CWH43: variants seen among roughly 807,000 people sequenced by gnomAD.
The protein encoded by CWH43 is cell wall biogenesis 43 C-terminal homolog.
A neutral mutation model predicts 85.7 loss-of-function variants in CWH43; 91 were observed. The ratio of observed to expected loss-of-function variants is 1.06; its 90% CI spans 0.90 to 1.26. The LOEUF is 1.26. Among genes scored for constraint, CWH43 ranks in the 50% most tolerant of loss-of-function variants. The pLI is 0.00. For missense variants in CWH43, 869 were observed against 839.2 expected (o/e 1.04, Z -0.44); for synonymous variants, 323 against 293.6 (o/e 1.10, Z -1.02).
chr4:49,031,200 C>T (rs1263919378), intron 11 of CWH43: 1 of 394,752 alleles, frequency 2.5e-6, no homozygotes, highest in Non-Finnish European at 4.5e-6. Flanking sequence ...GAGGTTGCAG[C>T]ACCAAGCATG....
chr4:49,041,371 C>T (rs1784456848), intron 13 of CWH43, among the ~76,000 whole-genome samples: 1 of 152,160 alleles, frequency 6.6e-6, no homozygotes, highest in Non-Finnish European at 1.5e-5. Context: ...TCTTCCTACC[C>T]ATGAGCATGG....
Position 48,992,900 on chromosome 4 carries a change from G to A in CWH43, c.511+810G>A, listed in dbSNP as rs780559523. Among the ~76,000 whole-genome samples, 8 of 152,212 alleles carry A rather than the reference G, an allele frequency of 5.3e-5. No homozygotes were observed. The highest frequency in any genetic ancestry group is 1.2e-4 in the Non-Finnish European group (8 of 68,030). On this transcript the variant is annotated intron_variant, in intron 4 of 15. Transcript: ENST00000226432. The surrounding 1 kb of genome is among the most constrained non-coding windows in gnomAD (Gnocchi z 4.3). ...TGAAATGAGAATAGAGGGAAATTAT[G>A]TCAGTAAATTGGCCTTGTGATGTTA...
intron 2 of CWH43, among the ~76,000 whole-genome samples, chr4:48,988,869 C>G (rs1211069159): frequency 6.6e-6 from 1 of 152,066 alleles, no homozygotes; most frequent in African/African-American, 2.4e-5. Context: ...ATTGTTTTTT[C>G]CAGACTAGAA....
chr4:49,035,306 G>T (rs1377606447), intron 12 of CWH43, among the ~76,000 whole-genome samples: 1 of 152,174 alleles, frequency 6.6e-6, no homozygotes, highest in Non-Finnish European at 1.5e-5. Context: ...ATTTTAAAAA[G>T]TACTGACTGC....
intron 14 of CWH43, among the ~76,000 whole-genome samples, chr4:49,047,699 G>A (rs141941586): frequency 1.8e-4 from 27 of 152,142 alleles, no homozygotes; most frequent in Admixed American, 5.9e-4. Context: ...GGTGAGGGGC[G>A]GCCGAGGAGG....
intron 14 of CWH43, among the ~76,000 whole-genome samples, chr4:49,048,574 T>C (rs1359589767): frequency 6.6e-6 from 1 of 152,070 alleles, no homozygotes; most frequent in Non-Finnish European, 1.5e-5. Context: ...TGGTTAGGAC[T>C]GTCCCCTTGG....
rs1407675992 is a variant in CWH43, at chr4:49,032,723, T to G, written c.1658+8T>G. 6.2e-7 allele frequency: 1 copy of G among 1,613,768 alleles called. No individual in the cohort carries two copies. Among genetic ancestry groups the G allele is most frequent in the Non-Finnish European group, 8.5e-7 (1 of 1,179,788 alleles). On this transcript the variant is annotated splice_region_variant and intron_variant, in intron 12 of 15. Transcript: ENST00000226432. ...ACACTTTGGGAACCACGAGTGGGTT[T>G]CTTTGGCCCACCTAATATTACACAA...
chr4:49,003,411 G>T (rs190788535), intron 6 of CWH43, among the ~76,000 whole-genome samples: 1 of 152,042 alleles, frequency 6.6e-6, no homozygotes, highest in Admixed American at 6.6e-5. Flanking sequence ...CATATTTTTG[G>T]TATTGCAGAA....
chr4:49,025,679 C>T (rs968230384), intron 9 of CWH43, among the ~76,000 whole-genome samples: 2 of 152,162 alleles, frequency 1.3e-5, no homozygotes, highest in African/African-American at 4.8e-5. Context: ...TTGGGAGTAT[C>T]TGCAAAAAAT....
chr4:49,016,466 C>T (rs142417519), intron 8 of CWH43, among the ~76,000 whole-genome samples: 151 of 152,236 alleles, frequency 9.9e-4, no homozygotes, highest in Non-Finnish European at 1.9e-3. Context: ...GAGCAAATTC[C>T]ACCCTTTCCA....
intron 8 of CWH43, among the ~76,000 whole-genome samples, chr4:49,016,437 TG>T (rs1783548445): frequency 6.6e-6 from 1 of 152,120 alleles, no homozygotes; most frequent in African/African-American, 2.4e-5. Context: ...CTGCCTTCAC[TG>T]GGGCCTAGGG....
intron 9 of CWH43, among the ~76,000 whole-genome samples, chr4:49,019,912 G>C (rs1441229558): frequency 1.3e-5 from 2 of 152,000 alleles, no homozygotes; most frequent in South Asian, 2.1e-4. Flanking sequence ...GTGGTTTTTG[G>C]TTATGTGGAT....
At chr4:49,016,651 AG>A in intron 8 of CWH43, 1 of 755,854 alleles carries the variant, frequency 1.3e-6, no homozygotes, top group Admixed American at 1.7e-5. Context: ...AAGCATGTGC[AG>A]GGGAGGGGCA....
chr4:49,055,266 A>G (rs1239159810), intron 15 of CWH43, among the ~76,000 whole-genome samples: 1 of 152,164 alleles, frequency 6.6e-6, no homozygotes, highest in Non-Finnish European at 1.5e-5. Flanking sequence ...AGATGATCAT[A>G]TGATTTTTGT....
intron 15 of CWH43, among the ~76,000 whole-genome samples, chr4:49,051,690 T>TC (rs1784803883): frequency 6.6e-6 from 1 of 152,048 alleles, no homozygotes; most frequent in Non-Finnish European, 1.5e-5. Flanking sequence ...AATTCTCCTG[T>TC]CTCAGCCTCC....
intron 15 of CWH43, 95 bp from the exon 16 acceptor site, chr4:49,061,717 T>C: frequency 9.6e-7 from 1 of 1,038,228 alleles, no homozygotes; most frequent in Non-Finnish European, 1.3e-6. Context: ...ATTCATTTGC[T>C]ATTTTATTTT....
intron 13 of CWH43, among the ~76,000 whole-genome samples, chr4:49,038,639 C>T (rs1784338797): frequency 2.0e-5 from 3 of 152,142 alleles, no homozygotes; most frequent in Non-Finnish European, 1.5e-5. Flanking sequence ...CTTCCACTGT[C>T]ATCACAATTC....
rs1323116869 is a variant in CWH43, at chr4:49,042,451, G to A, written c.1804-2335G>A. 3.3e-5 allele frequency among the ~76,000 whole-genome samples: 5 copies of A among 152,202 alleles called. No individual in the cohort carries two copies. In the South Asian group the frequency reaches 6.2e-4, roughly 19 times the overall value. ...GAAAGAAATGTTTTACAAGGAAGAT[G>A]AGTTCAGCTTTGGGCTGAGTTTGAG... On this transcript the variant is annotated intron_variant, in intron 13 of 15. Coordinates refer to ENST00000226432, the MANE Select transcript of CWH43 (RefSeq NM_025087.3).
chr4:49,060,136 G>T (rs1785101741), intron 15 of CWH43, among the ~76,000 whole-genome samples: 1 of 152,018 alleles, frequency 6.6e-6, no homozygotes, highest in South Asian at 2.1e-4. Context: ...AACTGGCAAT[G>T]CTGTCCTGGT....
Sources: gnomAD v4.1 joint callset for allele counts (sites outside exome capture counted in the v4.1 genomes callset) on GRCh38, gnomAD v4.1.1 for gene constraint, Gnocchi (gnomAD v3.1) non-coding constraint, MANE v1.5 for transcripts, NCBI Gene and HGNC (gene_info 2026-07-23, HGNC 2026-07-21) for gene names.